ADCK1: variants seen among roughly 807,000 people sequenced by gnomAD.
ADCK1 encodes aarF domain containing kinase 1.
Under a neutral mutation model 52.3 loss-of-function variants are expected in ADCK1, and 41 were observed. The observed-to-expected ratio is 0.78, with a 90% CI of 0.61 to 1.02. The LOEUF is 1.02. Among genes scored for constraint, ADCK1 ranks in the 50% least tolerant of loss-of-function variants. ADCK1 has a pLI of 0.00. For missense variants in ADCK1, 658 were observed against 679.5 expected (o/e 0.97, Z 0.35); for synonymous variants, 250 against 274.6 (o/e 0.91, Z 0.89).
intron 3 of ADCK1, among the ~76,000 whole-genome samples, chr14:77,826,375 CT>C (rs11347754): frequency 0.8 from 122,397 of 152,146 alleles, 49,541 homozygotes; most frequent in Middle Eastern, 0.9. Context: ...AGGAGGCTAG[CT>C]TCGGCAGGCG....
intron 7 of ADCK1, among the ~76,000 whole-genome samples, chr14:77,922,580 G>A (rs549892442): frequency 6.6e-6 from 1 of 152,288 alleles, no homozygotes; most frequent in South Asian, 2.1e-4. Flanking sequence ...CCATTTTACT[G>A]AAGCTGATGG....
intron 4 of ADCK1, among the ~76,000 whole-genome samples, chr14:77,862,218 G>GA (rs1392000783): frequency 6.6e-6 from 1 of 152,186 alleles, no homozygotes; most frequent in African/African-American, 2.4e-5. Flanking sequence ...TATCCTGAAA[G>GA]ACAGGTTCCA....
At chr14:77,835,395 A>C (rs1028537143) in intron 3 of ADCK1, among the ~76,000 whole-genome samples, 5 of 152,222 alleles carry the variant, frequency 3.3e-5, no homozygotes, top group Non-Finnish European at 5.9e-5. Flanking sequence ...GTATAACCAG[A>C]ATTAAGCAGT....
At chr14:77,803,121 T>C (rs2081147255) in intron 1 of ADCK1, among the ~76,000 whole-genome samples, 1 of 152,150 alleles carries the variant, frequency 6.6e-6, no homozygotes, top group South Asian at 2.1e-4. Flanking sequence ...TTTGTGTGCT[T>C]TCTATCCATA....
At chr14:77,847,972 G>T (rs1390033783) in intron 3 of ADCK1, among the ~76,000 whole-genome samples, 1 of 152,210 alleles carries the variant, frequency 6.6e-6, no homozygotes, top group Non-Finnish European at 1.5e-5. Context: ...CTCAGCTGGG[G>T]ACCAGGGTGG....
chr14:77,898,486 G>T (rs1037369464), intron 5 of ADCK1, among the ~76,000 whole-genome samples: 1 of 152,188 alleles, frequency 6.6e-6, no homozygotes, highest in African/African-American at 2.4e-5. Context: ...CATGTCCTTT[G>T]CAGGGTCATG....
intron 2 of ADCK1, among the ~76,000 whole-genome samples, chr14:77,822,208 G>A (rs1393986501): frequency 1.3e-5 from 2 of 152,196 alleles, no homozygotes; most frequent in Admixed American, 6.5e-5. Flanking sequence ...TCAGGTAAGA[G>A]GGGCAATTTT....
chr14:77,834,895 G>A (rs79757229), intron 3 of ADCK1, among the ~76,000 whole-genome samples: 9,836 of 152,270 alleles, frequency 0.065, 758 homozygotes, highest in African/African-American at 0.18. Context: ...AGGAACTGGA[G>A]TAACCCTGGT....
At chr14:77,916,393 A>G (rs1028089188) in intron 7 of ADCK1, among the ~76,000 whole-genome samples, 8 of 152,094 alleles carry the variant, frequency 5.3e-5, no homozygotes, top group Non-Finnish European at 1.0e-4. Flanking sequence ...CTAGGTACCT[A>G]GAAGCTCCAA....
chr14:77,901,067 C>CA (rs2083529868), intron 6 of ADCK1, among the ~76,000 whole-genome samples: 1 of 139,466 alleles, frequency 7.2e-6, no homozygotes, highest in Non-Finnish European at 1.5e-5. Context: ...TTTTTTGAGA[C>CA]AGAGTCTCGC....
intron 7 of ADCK1, among the ~76,000 whole-genome samples, chr14:77,917,821 G>T (rs1023676414): frequency 5.3e-5 from 8 of 151,914 alleles, no homozygotes; most frequent in African/African-American, 1.9e-4. Context: ...TTTTCAAAAT[G>T]GAACATTTTG....
intron 6 of ADCK1, among the ~76,000 whole-genome samples, chr14:77,900,080 A>AAAAAG (rs2083498606): frequency 9.3e-6 from 1 of 107,810 alleles, no homozygotes; most frequent in South Asian, 3.4e-4. Context: ...CAAAAAAAAA[A>AAAAAG]AAAAAGAAAA....
intron 4 of ADCK1, among the ~76,000 whole-genome samples, chr14:77,867,164 A>C (rs929904108): frequency 6.6e-6 from 1 of 152,190 alleles, no homozygotes; most frequent in African/African-American, 2.4e-5. Context: ...CTAGCAGCCC[A>C]GGCTGCATCA....
At chr14:77,883,373 T>G (rs2140197396) in intron 4 of ADCK1, among the ~76,000 whole-genome samples, 1 of 137,298 alleles carries the variant, frequency 7.3e-6, no homozygotes, top group African/African-American at 2.7e-5. Flanking sequence ...GAGGCCTGAT[T>G]GGAGGGGGGT....
chr14:77,889,090 A>T (rs1325064708), intron 5 of ADCK1, among the ~76,000 whole-genome samples: 1 of 151,698 alleles, frequency 6.6e-6, no homozygotes, highest in Admixed American at 6.6e-5. Flanking sequence ...CTTGCCTGCC[A>T]CCATGTAAGA....
At chr14:77,914,623 C>T (rs541625553) in intron 7 of ADCK1, 3 of 981,112 alleles carry the variant, frequency 3.1e-6, no homozygotes, top group East Asian at 1.1e-4. Flanking sequence ...AGTTAGGGCC[C>T]CTGAGATTGT....
Position 77,822,472 on chromosome 14 carries a change from A to C in ADCK1, c.173A>C (p.Lys58Thr). 1 of 1,614,160 alleles carries C rather than the reference A, an allele frequency of 6.2e-7. No homozygotes were observed. The highest frequency in any genetic ancestry group is 8.5e-7 in the Non-Finnish European group (1 of 1,179,998). The change falls in exon 3 of 11, where the codon AAG becomes ACG. Residue 58 changes from lysine to threonine, a missense_variant. Lys to Thr is a moderately conservative substitution (Grantham distance 78). Coordinates refer to ENST00000238561, the MANE Select transcript of ADCK1 (RefSeq NM_020421.4). ...AGTTACGACTACCTCACTTCCCTGA[A>C]GAGTGTCCCTTATGGCTCAGAGGAG... ...VISYDYLTSL[K>T]SVPYGSEEYL... is the part of the protein sequence containing the mutation.
At chr14:77,893,051 T>C (rs1425488571) in intron 5 of ADCK1, among the ~76,000 whole-genome samples, 3 of 152,190 alleles carry the variant, frequency 2.0e-5, no homozygotes, top group Non-Finnish European at 4.4e-5. Context: ...TCGATGACTT[T>C]GCACAAAAGA....
intron 4 of ADCK1, among the ~76,000 whole-genome samples, chr14:77,886,604 T>G (rs1024431440): frequency 6.6e-6 from 1 of 152,130 alleles, no homozygotes; most frequent in African/African-American, 2.4e-5. Context: ...GGCAAGACCC[T>G]GGGCTGGTAC....
Sources: gnomAD v4.1 joint callset for allele counts (sites outside exome capture counted in the v4.1 genomes callset) on GRCh38, gnomAD v4.1.1 for gene constraint, MANE v1.5 for transcripts, NCBI Gene and HGNC (gene_info 2026-07-23, HGNC 2026-07-21) for gene names.